CCDC171: variants seen among roughly 807,000 people sequenced by gnomAD.
CCDC171 encodes the protein coiled-coil domain containing 171.
CCDC171 carries 177 observed loss-of-function variants against 168.2 expected under a neutral mutation model. The observed-to-expected ratio is 1.05, with a 90% CI of 0.93 to 1.19. The LOEUF (loss-of-function observed/expected upper bound fraction) is 1.19, where lower values mean the gene tolerates loss of function less well. CCDC171 is among the 50% of genes most tolerant of loss of function. The pLI, the probability that CCDC171 is intolerant of heterozygous loss-of-function variation, is 0.00. For synonymous variants in CCDC171, 687 were observed against 540.8 expected (o/e 1.27, Z -3.75); for missense variants, 1,991 against 1,539.0 (o/e 1.29, Z -4.91).
the CCDC171 span, among the ~76,000 whole-genome samples, chr9:16,100,015 A>C: frequency 0.12 from 17,591 of 151,794 alleles, 1,193 homozygotes; most frequent in Middle Eastern, 0.22. Flanking sequence ...AAAAAAAAAA[A>C]AGAAAAATCT....
chr9:16,061,823 C>A (rs1368394930), downstream of CCDC171, among the ~76,000 whole-genome samples: 2 of 152,156 alleles, frequency 1.3e-5, no homozygotes, highest in Admixed American at 6.5e-5. Context: ...TAAAGCTGAG[C>A]TGCAAATTCA....
chr9:15,732,287 T>A (rs1044150627), intron 16 of CCDC171, among the ~76,000 whole-genome samples: 7 of 152,150 alleles, frequency 4.6e-5, no homozygotes, highest in African/African-American at 1.7e-4. Flanking sequence ...ATGTCTTGTT[T>A]CTTCTAGAAG....
At chr9:15,956,012 G>T (rs1438909387) in intron 25 of CCDC171, among the ~76,000 whole-genome samples, 4 of 152,098 alleles carry the variant, frequency 2.6e-5, no homozygotes, top group Non-Finnish European at 4.4e-5. Flanking sequence ...TGGACTTAAT[G>T]AATAAAATTG....
chr9:15,633,874 G>T (rs1192830596), intron 7 of CCDC171, among the ~76,000 whole-genome samples: 1 of 152,160 alleles, frequency 6.6e-6, no homozygotes, highest in Non-Finnish European at 1.5e-5. Flanking sequence ...GTCCTTTGTA[G>T]GGACATGGAT....
chr9:15,580,552 A>G (rs536634008), intron 4 of CCDC171, among the ~76,000 whole-genome samples: 1 of 152,134 alleles, frequency 6.6e-6, no homozygotes, highest in Non-Finnish European at 1.5e-5. Flanking sequence ...AAATAATCCC[A>G]TCAAAAACTG....
chr9:15,623,316 A>T lies in CCDC171; in HGVS notation c.725A>T (p.Glu242Val). Residue 242 changes from glutamate to valine, a missense_variant, in exon 7 of 26, where the codon GAA becomes GTA. Coordinates refer to ENST00000380701, the MANE Select transcript of CCDC171 (RefSeq NM_173550.4). Reference protein sequence around the residue: ...QNMHKKVEKLETEHMDCSDLL... With the variant: ...QNMHKKVEKLVTEHMDCSDLL... ...ATGCATAAGAAAGTAGAAAAATTAGAAACAGAACATATGGACTGCTCTGAC... is the reference window on the plus strand; with the variant it reads ...ATGCATAAGAAAGTAGAAAAATTAGTAACAGAACATATGGACTGCTCTGAC... 1 of 1,604,364 alleles carries T rather than the reference A, an allele frequency of 6.2e-7. No individual in the cohort carries two copies. Among genetic ancestry groups the T allele is most frequent in the Non-Finnish European group, 8.5e-7 (1 of 1,174,192 alleles).
chr9:15,825,017 CT>C (rs2059953987), intron 21 of CCDC171, among the ~76,000 whole-genome samples: 1 of 152,046 alleles, frequency 6.6e-6, no homozygotes, highest in Non-Finnish European at 1.5e-5. Flanking sequence ...GGAGTTTTTA[CT>C]TTTCTCCTGC....
chr9:15,770,067 G>A (rs1001113987), intron 18 of CCDC171, among the ~76,000 whole-genome samples: 11 of 152,102 alleles, frequency 7.2e-5, no homozygotes, highest in Non-Finnish European at 1.0e-4. Flanking sequence ...GAGAATTCTG[G>A]TATTTTTTGT....
chr9:16,064,198 C>G (rs985727374), downstream of CCDC171, among the ~76,000 whole-genome samples: 2 of 152,144 alleles, frequency 1.3e-5, no homozygotes, highest in African/African-American at 4.8e-5. Context: ...CAAAAGCATG[C>G]TTTTGTGTGT....
intron 3 of CCDC171, among the ~76,000 whole-genome samples, chr9:15,995,346 C>A (rs559051233): frequency 6.6e-6 from 1 of 152,324 alleles, no homozygotes; most frequent in Admixed American, 6.5e-5. Context: ...GCTACTGGTA[C>A]AAAATGTTTG....
At chr9:15,635,731 A>G (rs890137482) in intron 7 of CCDC171, among the ~76,000 whole-genome samples, 1 of 152,208 alleles carries the variant, frequency 6.6e-6, no homozygotes, top group Admixed American at 6.5e-5. Context: ...TTCAGCCATA[A>G]TGAATAATGC....
chr9:15,654,643 C>A (rs1205897550), intron 7 of CCDC171, among the ~76,000 whole-genome samples: 1 of 152,072 alleles, frequency 6.6e-6, no homozygotes, highest in Non-Finnish European at 1.5e-5. Context: ...TCAAGTTGAA[C>A]ATTAATAAAA....
the CCDC171 span, among the ~76,000 whole-genome samples, chr9:16,068,555 C>T: frequency 6.6e-6 from 1 of 152,308 alleles, no homozygotes; most frequent in South Asian, 2.1e-4. Flanking sequence ...ACTCTGGCTC[C>T]ACCACTTGAG....
rs150116553 is a variant in CCDC171 at position 15,939,197 on chromosome 9, G to C, written c.3753+18775G>C. Reference sequence around the variant, plus strand: ...TGTCTAAATAGATAATATCCATATAGATATAAATATTCTCACTATTTCATG... The same window carrying C: ...TGTCTAAATAGATAATATCCATATACATATAAATATTCTCACTATTTCATG... On this transcript the variant is annotated intron_variant, in intron 25 of 25. Coordinates refer to ENST00000380701, the MANE Select transcript of CCDC171 (RefSeq NM_173550.4). Among the ~76,000 whole-genome samples the C allele has an allele frequency of 3.9e-3, 594 of 151,006 alleles. 5 individuals are homozygous for C. The highest frequency in any genetic ancestry group is 0.014 in the African/African-American group (575 of 41,244).
intron 24 of CCDC171, among the ~76,000 whole-genome samples, chr9:15,896,483 A>G (rs764594522): frequency 1.9e-4 from 29 of 152,196 alleles, no homozygotes; most frequent in Admixed American, 4.6e-4. Context: ...TTCAAATGCC[A>G]AAAAAGGAAA....
intron 24 of CCDC171, among the ~76,000 whole-genome samples, chr9:15,915,844 G>A (rs1044770159): frequency 6.6e-6 from 1 of 152,002 alleles, no homozygotes; most frequent in Non-Finnish European, 1.5e-5. Flanking sequence ...TTTACCAAAT[G>A]CCTTCTCTGC....
At chr9:15,811,633 C>T (rs1235789901) in intron 21 of CCDC171, among the ~76,000 whole-genome samples, 2 of 152,100 alleles carry the variant, frequency 1.3e-5, no homozygotes, top group African/African-American at 4.8e-5. Context: ...AATTTAGTTA[C>T]TGTTTCTACT....
intron 23 of CCDC171, 75 bp from the exon 24 acceptor site, chr9:15,874,457 C>T: frequency 7.4e-7 from 1 of 1,350,580 alleles, no homozygotes; most frequent in Admixed American, 2.3e-5. Context: ...ACTCAGTGGG[C>T]TCAAGGGGAC....
At chr9:15,725,767 A>G (rs757091799) in intron 14 of CCDC171, among the ~76,000 whole-genome samples, 10 of 152,122 alleles carry the variant, frequency 6.6e-5, no homozygotes, top group Non-Finnish European at 1.3e-4. Context: ...CTTATTTGTA[A>G]AACAGTAATA....
Sources: gnomAD v4.1 joint callset for allele counts (sites outside exome capture counted in the v4.1 genomes callset) on GRCh38, gnomAD v4.1.1 for gene constraint, MANE v1.5 for transcripts, NCBI Gene and HGNC (gene_info 2026-07-23, HGNC 2026-07-21) for gene names.